The following WASF3 variants were observed in gnomAD, a reference collection of about 807,000 sequenced individuals.
WASF3 encodes the protein WASP family member 3, also known as actin-binding protein WASF3.
In WASF3, 11 loss-of-function variants were observed where a neutral mutation model predicts 46.6. The ratio of observed to expected loss-of-function variants is 0.24; its 90% confidence interval spans 0.15 to 0.39. The LOEUF (loss-of-function observed/expected upper bound fraction) is 0.39. Among genes scored for constraint, WASF3 ranks in the 10% least tolerant of loss-of-function variants. The pLI is 1.00. For synonymous variants in WASF3, 242 were observed against 259.7 expected, an observed-to-expected ratio of 0.93 and a Z score of 0.65; for missense variants, 576 against 669.8, an observed-to-expected ratio of 0.86 and a Z score of 1.55.
At chr13:26,673,407 T>C (rs1183628568) in intron 6 of WASF3, among the ~76,000 whole-genome samples, 1 of 152,174 alleles carries the variant, frequency 6.6e-6, no homozygotes, top group Non-Finnish European at 1.5e-5. Flanking sequence ...GAATGCCTTC[T>C]AAATGCTGGA....
chr13:26,674,872 C>T (rs1883017813), intron 6 of WASF3, among the ~76,000 whole-genome samples: 1 of 152,176 alleles, frequency 6.6e-6, no homozygotes, highest in Non-Finnish European at 1.5e-5. Context: ...AGTTTATGTT[C>T]TTACCAGGCC....
At chr13:26,662,420 G>A (rs1217114642) in intron 3 of WASF3, among the ~76,000 whole-genome samples, 1 of 152,212 alleles carries the variant, frequency 6.6e-6, no homozygotes, top group Admixed American at 6.5e-5. Flanking sequence ...TATCAGTGGT[G>A]GATTGGATAA....
At chr13:26,573,031 TA>T (rs1369618549) in intron 1 of WASF3, among the ~76,000 whole-genome samples, 2 of 152,214 alleles carry the variant, frequency 1.3e-5, no homozygotes, top group Admixed American at 1.3e-4. Context: ...TTTTCATGTT[TA>T]AAAAAATTGA....
chr13:26,590,109 C>T (rs916068612), intron 1 of WASF3, among the ~76,000 whole-genome samples: 5 of 152,196 alleles, frequency 3.3e-5, no homozygotes, highest in African/African-American at 1.2e-4. Context: ...TATGCTTTGT[C>T]AGTCCTCAGT....
intron 6 of WASF3, among the ~76,000 whole-genome samples, chr13:26,674,467 G>A (rs1285925095): frequency 6.6e-6 from 1 of 152,044 alleles, no homozygotes; most frequent in Non-Finnish European, 1.5e-5. Flanking sequence ...TACTCAAATA[G>A]CACTCCCTTC....
At chr13:26,685,150 A>G (rs1271161525) in intron 9 of WASF3, among the ~76,000 whole-genome samples, 1 of 152,156 alleles carries the variant, frequency 6.6e-6, no homozygotes, top group Non-Finnish European at 1.5e-5. Context: ...TTACTAAGCT[A>G]GAAAGTAGAT....
intron 1 of WASF3, among the ~76,000 whole-genome samples, chr13:26,579,187 A>T (rs1160251480): frequency 2.0e-5 from 3 of 150,256 alleles, no homozygotes; most frequent in Non-Finnish European, 4.4e-5. Context: ...TTTTTTTTAA[A>T]GATGGGGTCT....
At chr13:26,655,791 A>G (rs1052385815) in intron 3 of WASF3, among the ~76,000 whole-genome samples, 1 of 151,912 alleles carries the variant, frequency 6.6e-6, no homozygotes, top group Non-Finnish European at 1.5e-5. Flanking sequence ...ACTTATTTTG[A>G]TCCTTACGTT....
At chr13:26,615,126 A>C (rs1293730734) in intron 2 of WASF3, among the ~76,000 whole-genome samples, 1 of 151,800 alleles carries the variant, frequency 6.6e-6, no homozygotes, top group Non-Finnish European at 1.5e-5. Flanking sequence ...CTGGTTGCTA[A>C]ATGTGTCTTT....
chr13:26,682,811 AC>A lies in WASF3; in HGVS notation c.1193del (p.Pro398ArgfsTer27). The A allele has an allele frequency of 1.9e-6, 3 of 1,604,616 alleles. No homozygotes were observed. On this transcript the variant is annotated frameshift_variant, in exon 9 of 10. Coordinates refer to ENST00000335327, the MANE Select transcript of WASF3 (RefSeq NM_006646.6). LOFTEE classifies it high-confidence loss of function. This position sits in a 1 kb window ranked among gnomAD's most constrained non-coding sequence, Gnocchi z 4.4. Reference protein sequence around the residue: ...STGLLVTAPPPPGPPPPPPGP... With the variant: ...STGLLVTAPPXPGPPPPPPGP... ...CCGGGCTCCTGGTCACAGCCCCGCC[AC>A]CCCCGGGCCCACCACCTCCCCCGCC... is the stretch of plus-strand genomic sequence containing the variant.
intron 2 of WASF3, among the ~76,000 whole-genome samples, chr13:26,634,124 G>A (rs1423708066): frequency 1.3e-5 from 2 of 152,186 alleles, no homozygotes; most frequent in African/African-American, 4.8e-5. Context: ...GGGAGTCTAA[G>A]TCTCCTTGTA....
chr13:26,660,176 G>C (rs1296691602), intron 3 of WASF3, among the ~76,000 whole-genome samples: 4 of 121,806 alleles, frequency 3.3e-5, no homozygotes, highest in African/African-American at 1.3e-4. Context: ...GAAGTAATTA[G>C]CTTTTGTTTT....
chr13:26,622,984 A>G lies in WASF3; in HGVS notation c.-11+9926A>G, dbSNP rs548392369. 4.5e-4 allele frequency among the ~76,000 whole-genome samples: 68 copies of G among 152,338 alleles called. No individual in the cohort carries two copies. The South Asian group carries it at 8.1e-3, about 18-fold the overall frequency. On this transcript the variant is annotated intron_variant, in intron 2 of 9. Transcript: ENST00000335327. ...TCTAGAAAGCAATAACTTTTCTTAA[A>G]TCCCAAAGGGTGACAAACCCATCTG... is the stretch of plus-strand genomic sequence containing the variant.
At chr13:26,622,801 T>C (rs1881348084) in intron 2 of WASF3, 1 of 152,216 alleles carries the variant, frequency 6.6e-6, no homozygotes, top group Non-Finnish European at 1.5e-5. Context: ...GTTTACTGTT[T>C]CTTTCTTTTT....
chr13:26,651,021 C>A (rs1172070927), intron 3 of WASF3, among the ~76,000 whole-genome samples: 2 of 152,150 alleles, frequency 1.3e-5, no homozygotes, highest in African/African-American at 2.4e-5. Flanking sequence ...CTAACAGACA[C>A]AAGAAACTCA....
At chr13:26,661,370 ATTTGT>A (rs1882626255) in intron 3 of WASF3, among the ~76,000 whole-genome samples, 1 of 152,170 alleles carries the variant, frequency 6.6e-6, no homozygotes, top group African/African-American at 2.4e-5. Flanking sequence ...ATCGTACAGT[ATTTGT>A]CTTTTGTGAC....
intron 3 of WASF3, among the ~76,000 whole-genome samples, chr13:26,659,706 T>C (rs1882569160): frequency 6.6e-6 from 1 of 152,090 alleles, no homozygotes; most frequent in Non-Finnish European, 1.5e-5. Context: ...CTGGATATAT[T>C]CTGAAAATGG....
chr13:26,641,129 C>T (rs192823303), intron 2 of WASF3: 1 of 152,178 alleles, frequency 6.6e-6, no homozygotes, highest in Non-Finnish European at 1.5e-5. Flanking sequence ...AGTTCAAATT[C>T]TTTAATTTAC....
intron 1 of WASF3, among the ~76,000 whole-genome samples, chr13:26,565,671 A>G (rs531656121): frequency 3.3e-5 from 5 of 152,328 alleles, no homozygotes; most frequent in African/African-American, 1.2e-4. Flanking sequence ...TCTTGCTGCA[A>G]ACAGCATTTG....
Sources: gnomAD v4.1 joint callset for allele counts (sites outside exome capture counted in the v4.1 genomes callset) on GRCh38, gnomAD v4.1.1 for gene constraint, Gnocchi (gnomAD v3.1) non-coding constraint, MANE v1.5 for transcripts, NCBI Gene and HGNC (gene_info 2026-07-23, HGNC 2026-07-21) for gene names.